Variants in YIPF1 observed in about 807,000 individuals in gnomAD.
YIPF1 encodes the protein protein YIPF1.
A neutral mutation model predicts 37.0 loss-of-function variants in YIPF1; 22 were observed. That is an observed-to-expected ratio of 0.59 (90% CI 0.42 to 0.85). The LOEUF is 0.85. YIPF1 is among the 40% of genes least tolerant of loss of function. The pLI is 0.00. For missense variants in YIPF1, 355 were observed against 373.1 expected, an observed-to-expected ratio of 0.95 and a Z score of 0.40; for synonymous variants, 128 against 131.9, an observed-to-expected ratio of 0.97 and a Z score of 0.21.
chr1:53,866,625 A>G (rs1167611034), intron 8 of YIPF1, 133 bp downstream of exon 8: 1 of 1,222,884 alleles, frequency 8.2e-7, no homozygotes. Context: ...TTAACTTCTA[A>G]CTTCAAAGGA....
chr1:53,871,244 T>A, intron 7 of YIPF1, 128 bp downstream of exon 7: 1 of 705,224 alleles, frequency 1.4e-6, no homozygotes, highest in Non-Finnish European at 2.5e-6. Flanking sequence ...TTTGAGTAGA[T>A]ACATTGAACC....
chr1:53,853,616 G>A (rs560771714), intron 10 of YIPF1, among the ~76,000 whole-genome samples: 10 of 152,326 alleles, frequency 6.6e-5, no homozygotes, highest in African/African-American at 1.9e-4. Context: ...AGATGTCAGC[G>A]TTTGATGATA....
At chr1:53,859,680 A>C (rs1022657869) in intron 10 of YIPF1, among the ~76,000 whole-genome samples, 1 of 152,158 alleles carries the variant, frequency 6.6e-6, no homozygotes, top group Non-Finnish European at 1.5e-5. Context: ...AGAAAAAAAG[A>C]AAGTAAGAAA....
intron 10 of YIPF1, among the ~76,000 whole-genome samples, chr1:53,853,494 A>C (rs1369435744): frequency 6.6e-6 from 1 of 152,220 alleles, no homozygotes; most frequent in Non-Finnish European, 1.5e-5. Context: ...ATAGAGTTAA[A>C]TCCAGGGAAG....
At chr1:53,875,728 C>T (rs555693510) in intron 6 of YIPF1, among the ~76,000 whole-genome samples, 7 of 152,288 alleles carry the variant, frequency 4.6e-5, no homozygotes, top group East Asian at 3.9e-4. Context: ...TAGCTCTTGC[C>T]TCAGGGCCTT....
At chr1:53,867,433 C>T (rs995547478) in intron 7 of YIPF1, among the ~76,000 whole-genome samples, 10 of 137,094 alleles carry the variant, frequency 7.3e-5, no homozygotes, top group East Asian at 2.1e-4. Context: ...AGTGCAGTGG[C>T]GCGATCTAGG....
chr1:53,864,918 AC>A (rs1214828621), intron 9 of YIPF1, among the ~76,000 whole-genome samples: 10 of 152,308 alleles, frequency 6.6e-5, no homozygotes, highest in Admixed American at 5.9e-4. Context: ...CAGGAAATAT[AC>A]CCATGTCACA....
intron 6 of YIPF1, among the ~76,000 whole-genome samples, chr1:53,871,952 A>G (rs1650202203): frequency 6.6e-6 from 1 of 151,724 alleles, no homozygotes; most frequent in Non-Finnish European, 1.5e-5. Flanking sequence ...AACAGAACAC[A>G]TGAGGGCAGA....
chr1:53,887,700 C>G (rs1650692391), intron 3 of YIPF1, among the ~76,000 whole-genome samples: 1 of 152,216 alleles, frequency 6.6e-6, no homozygotes, highest in East Asian at 1.9e-4. Context: ...GTATCTCTTC[C>G]TTAGATAACA....
In YIPF1 at chr1:53,869,160, T is replaced by TCTCTCTCACA. The variant is rs911930860; in HGVS notation, c.481+2211_481+2212insTGTGAGAGAG. On this transcript the variant is annotated intron_variant, in intron 7 of 10. Coordinates refer to ENST00000072644, the MANE Select transcript of YIPF1 (RefSeq NM_018982.5). ...CTCTCTCTCTCTCTCTCTCTCTCTC[T>TCTCTCTCACA]CACACACACACACACACACACACAC... is the stretch of plus-strand genomic sequence containing the variant. Among the ~76,000 whole-genome samples the TCTCTCTCACA allele has an allele frequency of 4.9e-3, 681 of 138,010 alleles. 7 individuals are homozygous for TCTCTCTCACA. Among genetic ancestry groups the TCTCTCTCACA allele is most frequent in the African/African-American group, 0.018 (659 of 35,682 alleles). The allele number at this position is 138,010 out of a possible 152,430, so 90.5% of individuals were successfully genotyped here. A position where few individuals can be genotyped will look rare whatever the true frequency, so the allele number is the denominator to read the frequency against.
intron 10 of YIPF1, among the ~76,000 whole-genome samples, chr1:53,857,002 G>A (rs1649735692): frequency 6.6e-6 from 1 of 152,100 alleles, no homozygotes; most frequent in Non-Finnish European, 1.5e-5. Flanking sequence ...TATCAGACTC[G>A]ATTGCCTCTC....
intron 10 of YIPF1, among the ~76,000 whole-genome samples, chr1:53,855,986 G>A (rs966402237): frequency 1.3e-5 from 2 of 152,206 alleles, no homozygotes; most frequent in African/African-American, 4.8e-5. Context: ...GGTTACTGGT[G>A]AGATTAGAAG....
Position 53,888,900 on chromosome 1 carries a change from G to A in YIPF1, c.31+7C>T, listed in dbSNP as rs1650727504. Reference sequence around the variant, plus strand: ...TAAATATAAAGGTGGGCACCCAACTGGTATACCTTCAAATTGCAAGTCATC... The same window carrying A: ...TAAATATAAAGGTGGGCACCCAACTAGTATACCTTCAAATTGCAAGTCATC... On this transcript the variant is annotated splice_region_variant and intron_variant, in intron 3 of 10. Transcript: ENST00000072644. 4 of 1,587,594 alleles carry A rather than the reference G, an allele frequency of 2.5e-6. No individual in the cohort carries two copies. The highest frequency in any genetic ancestry group is 3.3e-5 in the Admixed American group (2 of 59,716).
Position 53,879,468 on chromosome 1 carries a change from T to C in YIPF1, c.196-746A>G, listed in dbSNP as rs187504803. 2.6e-4 allele frequency among the ~76,000 whole-genome samples: 40 copies of C among 151,834 alleles called. 1 individual carries two copies. In the Middle Eastern group the frequency reaches 0.014, roughly 52 times the overall value. On this transcript the variant is annotated intron_variant, in intron 4 of 10. Coordinates refer to ENST00000072644, the MANE Select transcript of YIPF1 (RefSeq NM_018982.5). The stretch of plus-strand genomic sequence containing the variant: ...GCCACCTGAATTCTCAAAAATCTGA[T>C]ATATTGACTCACTCTAAAGTACTAA...
At chr1:53,888,573 T>C (rs1650717435) in intron 3 of YIPF1, among the ~76,000 whole-genome samples, 1 of 152,234 alleles carries the variant, frequency 6.6e-6, no homozygotes, top group African/African-American at 2.4e-5. Context: ...AACTTCTTCA[T>C]CTTTTTGTCT....
chr1:53,858,410 C>T (rs1305255130), intron 10 of YIPF1, among the ~76,000 whole-genome samples: 2 of 152,140 alleles, frequency 1.3e-5, no homozygotes, highest in Non-Finnish European at 2.9e-5. Context: ...TCAGTGGGAG[C>T]CACCAAACAT....
intron 3 of YIPF1, among the ~76,000 whole-genome samples, chr1:53,885,676 C>T (rs528489223): frequency 7.9e-5 from 12 of 151,734 alleles, no homozygotes; most frequent in African/African-American, 2.4e-4. Context: ...TAAAAATTAG[C>T]TAGGCATGTT....
chr1:53,863,005 C>T (rs139578052), intron 9 of YIPF1, among the ~76,000 whole-genome samples: 5 of 152,246 alleles, frequency 3.3e-5, no homozygotes, highest in African/African-American at 1.2e-4. Flanking sequence ...GAGAACAAAA[C>T]CCAGGCATGA....
intron 3 of YIPF1, among the ~76,000 whole-genome samples, chr1:53,886,064 C>T (rs1274261991): frequency 6.6e-6 from 1 of 151,798 alleles, no homozygotes; most frequent in Non-Finnish European, 1.5e-5. Context: ...GAGGAACAGA[C>T]AGTACCACTT....
Sources: gnomAD v4.1 joint callset for allele counts (sites outside exome capture counted in the v4.1 genomes callset) on GRCh38, gnomAD v4.1.1 for gene constraint, MANE v1.5 for transcripts, NCBI Gene and HGNC (gene_info 2026-07-23, HGNC 2026-07-21) for gene names.